Variants in CSMD1 observed in about 807,000 individuals in gnomAD.
CSMD1 encodes the protein CUB and Sushi multiple domains 1, also known as CUB and sushi domain-containing protein 1.
A neutral mutation model predicts 417.5 loss-of-function variants in CSMD1; 213 were observed. The ratio of observed to expected loss-of-function variants is 0.51; its 90% CI spans 0.46 to 0.57. CSMD1 has a LOEUF of 0.57. Among genes scored for constraint, CSMD1 ranks in the 20% least tolerant of loss-of-function variants. The pLI, the probability that CSMD1 is intolerant of heterozygous loss-of-function variation, is 0.00. For synonymous variants in CSMD1, 2,862 were observed against 1,736.8 expected (o/e 1.65, Z -16.11); for missense variants, 6,923 against 4,529.7 (o/e 1.53, Z -15.17).
chr8:4,668,323 G>A (rs1043083771), intron 1 of CSMD1, among the ~76,000 whole-genome samples: 2 of 151,752 alleles, frequency 1.3e-5, no homozygotes, highest in African/African-American at 4.8e-5. Context: ...GATGATCACA[G>A]CACTGTCATT....
chr8:4,625,187 C>A (rs1332853646), intron 2 of CSMD1, among the ~76,000 whole-genome samples: 1 of 150,316 alleles, frequency 6.7e-6, no homozygotes, highest in Non-Finnish European at 1.5e-5. Context: ...ATACAGAGAC[C>A]CACAGGCAAC....
At chr8:3,524,602 CACACACATGCACAT>C (rs1044861616) in intron 10 of CSMD1, among the ~76,000 whole-genome samples, 12 of 151,174 alleles carry the variant, frequency 7.9e-5, no homozygotes, top group South Asian at 2.1e-4. Context: ...GACACACATC[CACACACATGCACAT>C]ACACACATGC....
chr8:4,098,337 G>A (rs1478318709), intron 3 of CSMD1, among the ~76,000 whole-genome samples: 5 of 152,048 alleles, frequency 3.3e-5, no homozygotes, highest in East Asian at 1.9e-4. Context: ...GAATAAATGC[G>A]TATCATAATA....
intron 2 of CSMD1, among the ~76,000 whole-genome samples, chr8:4,489,720 C>T (rs539824274): frequency 1.3e-5 from 2 of 152,192 alleles, no homozygotes; most frequent in African/African-American, 4.8e-5. Flanking sequence ...CCTGCTCACA[C>T]CCTGGCTGGC....
intron 26 of CSMD1, among the ~76,000 whole-genome samples, chr8:3,233,989 A>G (rs1799006186): frequency 6.6e-6 from 1 of 152,152 alleles, no homozygotes; most frequent in Non-Finnish European, 1.5e-5. Context: ...GTCAACATCG[A>G]TGTCTGTGTA....
At chr8:4,586,963 G>C (rs752059967) in intron 2 of CSMD1, among the ~76,000 whole-genome samples, 5 of 152,126 alleles carry the variant, frequency 3.3e-5, no homozygotes, top group Non-Finnish European at 7.4e-5. Context: ...TGTAAGAGAG[G>C]TTACATCTAT....
At chr8:3,419,719 C>T (rs747376642) in intron 12 of CSMD1, among the ~76,000 whole-genome samples, 27 of 152,054 alleles carry the variant, frequency 1.8e-4, no homozygotes, top group Non-Finnish European at 3.7e-4. Context: ...AATCAAATAC[C>T]AAATAGCCAA....
chr8:4,322,749 CT>C (rs1169931803), intron 3 of CSMD1, among the ~76,000 whole-genome samples: 5 of 152,180 alleles, frequency 3.3e-5, no homozygotes, highest in African/African-American at 9.6e-5. Context: ...AATACCAGCA[CT>C]TTGGAAGGCA....
chr8:4,116,819 A>G (rs1481971293), intron 3 of CSMD1, among the ~76,000 whole-genome samples: 4 of 132,078 alleles, frequency 3.0e-5, no homozygotes, highest in African/African-American at 1.1e-4. Context: ...TCTAAAAAAT[A>G]GGGTCTATTA....
chr8:3,503,635 T>G (rs1050972054), intron 10 of CSMD1, among the ~76,000 whole-genome samples: 1 of 152,216 alleles, frequency 6.6e-6, no homozygotes, highest in African/African-American at 2.4e-5. Context: ...ACCGTAATTC[T>G]CTTTGTGCTG....
rs183004512 is a variant in CSMD1, at chr8:3,423,644, G to A, written c.1562-14039C>T. On this transcript the variant is annotated intron_variant, in intron 12 of 69. Transcript: ENST00000635120. ...TGTCTATCTTGTCACCAGCTGATGGGCATTTGGGTTGTTTCCAGTTTGGGG... is the reference window on the plus strand; with the variant it reads ...TGTCTATCTTGTCACCAGCTGATGGACATTTGGGTTGTTTCCAGTTTGGGG... Among the ~76,000 whole-genome samples the A allele has an allele frequency of 7.2e-5, 11 of 152,300 alleles. No homozygotes were observed. In the East Asian group the frequency reaches 1.2e-3, roughly 16 times the overall value.
rs529699892 is a variant in CSMD1 at position 3,135,502 on chromosome 8, G to A, written c.6241+6963C>T. 5.3e-5 allele frequency among the ~76,000 whole-genome samples: 7 copies of A among 131,080 alleles called. No homozygotes were observed. The South Asian group carries it at 1.6e-3, about 29-fold the overall frequency. 86.0% of individuals were successfully genotyped at this position (131,080 alleles called of 152,430 possible). Reference sequence around the variant, plus strand: ...TAAAACATGCTCTTGAGTGAAGTCTGCTGATCACATTTCTGACTCTGTGAA... The same window carrying A: ...TAAAACATGCTCTTGAGTGAAGTCTACTGATCACATTTCTGACTCTGTGAA... On this transcript the variant is annotated intron_variant, in intron 41 of 69. Coordinates refer to ENST00000635120, the MANE Select transcript of CSMD1 (RefSeq NM_033225.6).
At chr8:3,788,809 C>T (rs1799578989) in intron 5 of CSMD1, among the ~76,000 whole-genome samples, 1 of 152,134 alleles carries the variant, frequency 6.6e-6, no homozygotes, top group Non-Finnish European at 1.5e-5. Flanking sequence ...AGGACAGACG[C>T]ATTTATGTAT....
chr8:3,990,144 T>A (rs1338396722), intron 5 of CSMD1, among the ~76,000 whole-genome samples: 1 of 152,236 alleles, frequency 6.6e-6, no homozygotes, highest in African/African-American at 2.4e-5. Flanking sequence ...AATTTAGTTT[T>A]ACTTTTTTAT....
chr8:3,732,043 C>CA (rs34717541), intron 6 of CSMD1, among the ~76,000 whole-genome samples: 61,430 of 151,486 alleles, frequency 0.41, 13,403 homozygotes, highest in Non-Finnish European at 0.51. Context: ...ATTTTTTAGA[C>CA]AAAAAAAATG....
intron 3 of CSMD1, among the ~76,000 whole-genome samples, chr8:4,300,384 G>C (rs188616500): frequency 1.3e-5 from 2 of 152,096 alleles, no homozygotes; most frequent in Non-Finnish European, 2.9e-5. Context: ...CTCAATATAT[G>C]CTCCATCAAC....
chr8:3,898,387 G>A (rs890934146), intron 5 of CSMD1, among the ~76,000 whole-genome samples: 2 of 152,154 alleles, frequency 1.3e-5, no homozygotes, highest in Non-Finnish European at 1.5e-5. Flanking sequence ...TGGGGAGAAA[G>A]AAAAGTTACT....
chr8:4,885,340 A>T (rs1416502911), intron 1 of CSMD1, among the ~76,000 whole-genome samples: 2 of 151,974 alleles, frequency 1.3e-5, no homozygotes, highest in Non-Finnish European at 2.9e-5. Context: ...TTTCTTGCCT[A>T]ATATGCTTTC....
At chr8:3,768,642 T>A (rs879920771) in intron 5 of CSMD1, among the ~76,000 whole-genome samples, 4 of 152,238 alleles carry the variant, frequency 2.6e-5, no homozygotes, top group Admixed American at 2.6e-4. Context: ...TATTTTCACT[T>A]GCTCCAGAAG....
Sources: allele counts gnomAD v4.1 joint callset (sites outside exome capture counted in the v4.1 genomes callset), GRCh38; gene constraint gnomAD v4.1.1; transcripts MANE v1.5; gene names NCBI Gene and HGNC (gene_info 2026-07-23, HGNC 2026-07-21).